MAST2: variants seen among roughly 807,000 people sequenced by gnomAD.
MAST2 encodes the protein microtubule associated serine/threonine kinase 2, also known as microtubule-associated serine/threonine-protein kinase 2.
A neutral mutation model predicts 147.4 loss-of-function variants in MAST2; 70 were observed. That is an observed-to-expected ratio of 0.47 (90% CI 0.39 to 0.58). The LOEUF is 0.58. MAST2 is among the 20% of genes least tolerant of loss of function. MAST2 has a pLI of 0.00. For missense variants in MAST2, 2,080 were observed against 2,302.3 expected (o/e 0.90, Z 1.98); for synonymous variants, 869 against 896.8 (o/e 0.97, Z 0.55).
rs1363296995 is a variant in MAST2, at chr1:46,035,561, C to A, written c.4892C>A (p.Ser1631Tyr). 1.2e-6 allele frequency: 2 copies of A among 1,613,630 alleles called. No individual in the cohort carries two copies. The highest frequency in any genetic ancestry group is 1.7e-6 in the Non-Finnish European group (2 of 1,180,000). Residue 1631 changes from serine (S) to tyrosine (Y), a missense_variant, in exon 29 of 29, where the codon TCT becomes TAT. Ser to Tyr is a moderately radical substitution (Grantham distance 144). Transcript: ENST00000361297. The surrounding 1 kb of genome is among the most constrained non-coding windows in gnomAD (Gnocchi z 5.5). ...HLHTQALTAL[S>Y]PSTSGLTPTS... ...CACACCCAGGCACTAACAGCACTTT[C>A]TCCCAGCACTTCGGGACTCACCCCC...
rs574122312 is a variant in MAST2, at chr1:45,942,420, C to A, written c.501-16966C>A. On this transcript the variant is annotated intron_variant, in intron 4 of 28. Transcript: ENST00000361297. ...CATGGAGATGCATAATAGAGTTTTA[C>A]ACTTGGCAACATGTATTCATGTGGG... Among the ~76,000 whole-genome samples, 10 of 152,316 alleles carry A rather than the reference C, an allele frequency of 6.6e-5. No individual in the cohort carries two copies. The South Asian group carries it at 1.9e-3, about 28-fold the overall frequency.
chr1:45,823,826 G>C (rs1272087585), intron 1 of MAST2, among the ~76,000 whole-genome samples: 1 of 152,082 alleles, frequency 6.6e-6, no homozygotes, highest in Non-Finnish European at 1.5e-5. Context: ...TCTACATGTT[G>C]ATGATATTAT....
At position 45,811,166 on chromosome 1, in the gene MAST2, C is replaced by CT. The variant is rs375439362; in HGVS notation, c.177+7111dup. 8.4e-3 allele frequency among the ~76,000 whole-genome samples: 1,068 copies of CT among 127,894 alleles called. 14 individuals are homozygous for CT. Among genetic ancestry groups the CT allele is most frequent in the African/African-American group, 0.026 (880 of 33,934 alleles). The allele number at this position is 127,894 out of a possible 152,430, so 83.9% of individuals were successfully genotyped here. On this transcript the variant is annotated intron_variant, in intron 1 of 28. Coordinates refer to ENST00000361297, the MANE Select transcript of MAST2 (RefSeq NM_015112.3). ...GTGCCTAGCCGAGAGCAGTATATTT[C>CT]TTTTTTTTTTTTTTTTTGAGACGAA... is the stretch of plus-strand genomic sequence containing the variant.
At chr1:45,836,567 C>T (rs1201925877) in intron 3 of MAST2, among the ~76,000 whole-genome samples, 6 of 152,130 alleles carry the variant, frequency 3.9e-5, no homozygotes, top group African/African-American at 1.4e-4. Context: ...TTACCTACTT[C>T]AGTATTATAA....
At chr1:45,982,799 T>C (rs952357067) in intron 5 of MAST2, among the ~76,000 whole-genome samples, 2 of 152,196 alleles carry the variant, frequency 1.3e-5, no homozygotes, top group African/African-American at 2.4e-5. Flanking sequence ...CAAAGACTTA[T>C]GACTGGTGTT....
In MAST2 at chr1:45,803,921, G is replaced by A; in HGVS notation, c.26G>A (p.Arg9Gln). 4.1e-6 allele frequency: 3 copies of A among 727,036 alleles called. No homozygotes were observed. The highest frequency in any genetic ancestry group is 6.0e-6 in the Non-Finnish European group (3 of 502,820). 45.0% of individuals were successfully genotyped at this position (727,036 alleles called of 1,614,324 possible). ...ATGAAGCGGAGCCGCTGCCGCGACC[G>A]ACCGCAGCCGCCGCCGCCCGACCGC... MKRSRCRD[R>Q]PQPPPPDRRE... The change falls in exon 1 of 29, where the codon CGA becomes CAA. Residue 9 changes from arginine to glutamine, a missense_variant. By Grantham distance (43) the Arg-to-Gln change is conservative. Around this residue, in one of 4 missense-constraint regions of MAST2, gnomAD observed 24 missense variants for 46.1 expected, o/e 0.52. Transcript: ENST00000361297.
intron 3 of MAST2, among the ~76,000 whole-genome samples, chr1:45,853,870 A>AT (rs199708200): frequency 0.013 from 1,959 of 151,962 alleles, 20 homozygotes; most frequent in Non-Finnish European, 0.021. Flanking sequence ...TTACAGTTTT[A>AT]TTTTTTACAT....
intron 7 of MAST2, among the ~76,000 whole-genome samples, chr1:46,004,387 C>T (rs954736659): frequency 3.9e-4 from 59 of 150,526 alleles, no homozygotes; most frequent in Non-Finnish European, 5.6e-4. Flanking sequence ...AAAAAAATCC[C>T]CTTTCCCATA....
chr1:45,898,961 TTTCCATTG>T (rs1240291948), intron 4 of MAST2, among the ~76,000 whole-genome samples: 1 of 152,186 alleles, frequency 6.6e-6, no homozygotes, highest in African/African-American at 2.4e-5. Flanking sequence ...ACAGGCCAGA[TTTCCATTG>T]TCCTCTCACC....
chr1:45,838,582 T>TA (rs978786115), intron 3 of MAST2, among the ~76,000 whole-genome samples: 8 of 151,932 alleles, frequency 5.3e-5, no homozygotes, highest in East Asian at 1.9e-4. Context: ...TTTGTCTATT[T>TA]AAAAAAAAAT....
At position 45,808,299 on chromosome 1, in the gene MAST2, C is replaced by T. The variant is rs186216545; in HGVS notation, c.177+4227C>T. ...AGGCTGGAGTGCAGTGGCGCGATCT[C>T]GGCTTATTGTAACCTCTGCCTCCCA... On this transcript the variant is annotated intron_variant, in intron 1 of 28. Coordinates refer to ENST00000361297, the MANE Select transcript of MAST2 (RefSeq NM_015112.3). 9.9e-5 allele frequency among the ~76,000 whole-genome samples: 15 copies of T among 152,204 alleles called. No homozygotes were observed. The East Asian group carries it at 1.5e-3, about 16-fold the overall frequency.
In MAST2 at chr1:45,803,941, G is replaced by A. The variant is rs1006768359; in HGVS notation, c.46G>A (p.Asp16Asn). ...CRDRPQPPPP[D>N]RREDGVQRAA... ...CGACCGACCGCAGCCGCCGCCGCCC[G>A]ACCGCCGGGAGGATGGAGTTCAGCG... The change falls in exon 1 of 29, where the codon GAC becomes AAC. Residue 16 changes from aspartate to asparagine, a missense_variant. Asp to Asn is a conservative substitution (Grantham distance 23, BLOSUM62 1). Transcript: ENST00000361297. 16 of 918,466 alleles carry A rather than the reference G, an allele frequency of 1.7e-5. No individual in the cohort carries two copies. In the East Asian group the frequency reaches 5.4e-4, roughly 31 times the overall value. 56.9% of individuals were successfully genotyped at this position (918,466 alleles called of 1,614,324 possible). A position where few individuals can be genotyped will look rare whatever the true frequency, so the allele number is the denominator to read the frequency against.
chr1:45,904,063 G>A (rs1036478812), intron 4 of MAST2, among the ~76,000 whole-genome samples: 1 of 152,146 alleles, frequency 6.6e-6, no homozygotes, highest in African/African-American at 2.4e-5. Flanking sequence ...TGCAGTAGCA[G>A]TATCATAGCT....
In MAST2 at chr1:46,031,571, T is replaced by C; in HGVS notation, c.3173T>C (p.Leu1058Pro). The change falls in exon 24 of 29, where the codon CTC becomes CCC. Residue 1058 changes from leucine (L) to proline (P), a missense_variant. Transcript: ENST00000361297. The surrounding 1 kb of genome is among the most constrained non-coding windows in gnomAD (Gnocchi z 4.1). ...IKSASATALS[L>P]LIPSEHHTCS... ...TCCGCCTCAGCCACAGCCCTCTCAC[T>C]CCTCATTCCTTCGGGTGAGGCCCCT... The C allele has an allele frequency of 6.2e-7, 1 of 1,612,346 alleles. No homozygotes were observed. Among genetic ancestry groups the C allele is most frequent in the Non-Finnish European group, 8.5e-7 (1 of 1,178,582 alleles).
rs1646907376 is a variant in MAST2, at chr1:45,882,783, A to T, written c.500+388A>T. ...CTATCCGGTAACATGGTATGAGGAGAAGACCAACTTTTCTGATAAGTTGAG... is the reference window on the plus strand; with the variant it reads ...CTATCCGGTAACATGGTATGAGGAGTAGACCAACTTTTCTGATAAGTTGAG... On this transcript the variant is annotated intron_variant, in intron 4 of 28. Coordinates refer to ENST00000361297, the MANE Select transcript of MAST2 (RefSeq NM_015112.3). 2.0e-5 allele frequency among the ~76,000 whole-genome samples: 3 copies of T among 152,226 alleles called. No homozygotes were observed. The South Asian group carries it at 6.2e-4, about 31-fold the overall frequency.
chr1:45,810,752 G>A (rs1334334921), intron 1 of MAST2, among the ~76,000 whole-genome samples: 1 of 146,104 alleles, frequency 6.8e-6, no homozygotes, highest in African/African-American at 2.5e-5. Flanking sequence ...TGGAGGTTGC[G>A]GTGAGCCAAG....
intron 4 of MAST2, among the ~76,000 whole-genome samples, chr1:45,952,161 T>C (rs1659021707): frequency 6.6e-6 from 1 of 152,160 alleles, no homozygotes; most frequent in African/African-American, 2.4e-5. Flanking sequence ...AACCAAAAAG[T>C]AGTAACAACC....
At chr1:45,878,983 T>C (rs1247721464) in intron 3 of MAST2, among the ~76,000 whole-genome samples, 1 of 151,236 alleles carries the variant, frequency 6.6e-6, no homozygotes, top group African/African-American at 2.4e-5. Context: ...CAAATCGAAA[T>C]GCAAGAATCT....
At chr1:45,856,592 G>A (rs961584648) in intron 3 of MAST2, among the ~76,000 whole-genome samples, 1 of 152,056 alleles carries the variant, frequency 6.6e-6, no homozygotes, top group Non-Finnish European at 1.5e-5. Flanking sequence ...GGTTTGGCTT[G>A]CTTCTGTATG....
Sources: allele counts gnomAD v4.1 joint callset (sites outside exome capture counted in the v4.1 genomes callset), GRCh38; gene constraint gnomAD v4.1.1; regional missense constraint gnomAD v4.1.1; non-coding constraint Gnocchi (gnomAD v3.1); transcripts MANE v1.5; gene names NCBI Gene and HGNC (gene_info 2026-07-23, HGNC 2026-07-21).